Variants in SERINC5 observed in about 807,000 individuals in gnomAD.
The protein encoded by SERINC5 is chromosome 5 open reading frame 12.
Under a neutral mutation model 63.1 loss-of-function variants are expected in SERINC5, and 41 were observed. That is an observed-to-expected ratio of 0.65 (90% CI 0.51 to 0.84). The LOEUF (loss-of-function observed/expected upper bound fraction) is 0.84, where lower values mean the gene tolerates loss of function less well. Ranked by LOEUF, SERINC5 falls within the 40% of genes least tolerant of loss-of-function variation. The probability of loss-of-function intolerance (pLI) is 0.00; values close to 1 mark genes in which losing one functional copy is unlikely to be tolerated. For synonymous variants in SERINC5, 222 were observed against 215.2 expected (o/e 1.03, Z -0.28); for missense variants, 523 against 573.0 (o/e 0.91, Z 0.89).
At chr5:80,171,939 G>T (rs530414339) in intron 5 of SERINC5, among the ~76,000 whole-genome samples, 1 of 151,956 alleles carries the variant, frequency 6.6e-6, no homozygotes, top group East Asian at 1.9e-4. Flanking sequence ...AATCCATGAG[G>T]TAATGAATAG....
At chr5:80,156,024 T>C (rs1746498589) in intron 8 of SERINC5, among the ~76,000 whole-genome samples, 1 of 151,818 alleles carries the variant, frequency 6.6e-6, no homozygotes, top group Admixed American at 6.6e-5. Flanking sequence ...AAACAAGTAT[T>C]TGGGGGTGGG....
intron 11 of SERINC5, among the ~76,000 whole-genome samples, chr5:80,130,488 T>C (rs1001130300): frequency 2.0e-5 from 3 of 152,192 alleles, no homozygotes; most frequent in African/African-American, 7.2e-5. Context: ...GCCTGGGCAA[T>C]ACAACAGGGC....
rs796186802 is a variant in SERINC5, at chr5:80,163,546, GTT to G, written c.859+2835_859+2836del. Among the ~76,000 whole-genome samples the G allele has an allele frequency of 5.5e-3, 789 of 143,612 alleles. 7 individuals are homozygous for G. Among genetic ancestry groups the G allele is most frequent in the African/African-American group, 0.018 (732 of 39,600 alleles). The allele number at this position is 143,612 out of a possible 152,430, so 94.2% of individuals were successfully genotyped here. A position where few individuals can be genotyped will look rare whatever the true frequency, so the allele number is the denominator to read the frequency against. On this transcript the variant is annotated intron_variant, in intron 7 of 11. Coordinates refer to ENST00000507668, the MANE Select transcript of SERINC5 (RefSeq NM_001174072.3). ...AAGTTATGTTCCTACTTTATTGAGG[GTT>G]TTTTTTTTTACCATGAAAAGATGCT...
chr5:80,146,078 T>C lies in SERINC5; in HGVS notation c.1238+12A>G, dbSNP rs1341327942. ...TTTGCTTCAAAAATACCTAAGCAAATGGGCCACTCACTTGAACCAGTTGGT... is the reference window on the plus strand; with the variant it reads ...TTTGCTTCAAAAATACCTAAGCAAACGGGCCACTCACTTGAACCAGTTGGT... On this transcript the variant is annotated intron_variant, in intron 11 of 11. Transcript: ENST00000507668. The C allele has an allele frequency of 1.1e-5, 18 of 1,613,622 alleles. No homozygotes were observed. Among genetic ancestry groups the C allele is most frequent in the Non-Finnish European group, 1.5e-5 (18 of 1,179,708 alleles).
intron 1 of SERINC5, among the ~76,000 whole-genome samples, chr5:80,228,221 T>TGAGTGAGG (rs1244156892): frequency 1.0e-4 from 10 of 98,572 alleles, no homozygotes; most frequent in African/African-American, 3.9e-4. Context: ...GGCAGCAGAG[T>TGAGTGAGG]GAGTGAGGGA....
At chr5:80,165,693 G>C (rs894061180) in intron 7 of SERINC5, among the ~76,000 whole-genome samples, 2 of 152,088 alleles carry the variant, frequency 1.3e-5, no homozygotes, top group East Asian at 3.9e-4. Flanking sequence ...CTCAGATCCT[G>C]CTCCCTGCTC....
intron 1 of SERINC5, among the ~76,000 whole-genome samples, chr5:80,244,573 G>A (rs957681624): frequency 3.3e-5 from 5 of 151,428 alleles, no homozygotes; most frequent in African/African-American, 7.3e-5. Flanking sequence ...GCTCACGTCT[G>A]TAATCCCAGC....
intron 11 of SERINC5, among the ~76,000 whole-genome samples, chr5:80,126,488 T>A (rs1489389422): frequency 2.0e-5 from 3 of 152,212 alleles, no homozygotes; most frequent in African/African-American, 7.2e-5. Flanking sequence ...CAACATTCAC[T>A]TACTGATTTA....
intron 1 of SERINC5, among the ~76,000 whole-genome samples, chr5:80,224,393 C>T (rs1751072261): frequency 6.6e-6 from 1 of 151,776 alleles, no homozygotes; most frequent in African/African-American, 2.4e-5. Context: ...GAGAGGATCC[C>T]TTGAGCCCAG....
rs142592599 is a variant in SERINC5, at chr5:80,168,492, C to T, written c.763+843G>A. Among the ~76,000 whole-genome samples, 335 of 152,224 alleles carry T rather than the reference C, an allele frequency of 2.2e-3. 1 individual carries two copies. The highest frequency in any genetic ancestry group is 7.0e-3 in the African/African-American group (289 of 41,544). On this transcript the variant is annotated intron_variant, in intron 6 of 11. Transcript: ENST00000507668. The stretch of plus-strand genomic sequence containing the variant: ...CTGGGATTACAGGCATGAACAACTG[C>T]GCCCGACCACTAGTTGCCTTTTTAA...
chr5:80,137,620 G>A (rs1181138851), downstream of SERINC5, among the ~76,000 whole-genome samples: 1 of 129,594 alleles, frequency 7.7e-6, no homozygotes, highest in Non-Finnish European at 1.6e-5. Context: ...TCCAGCTTGG[G>A]CGACCAAGCA....
At chr5:80,176,056 A>G (rs62364010) in intron 4 of SERINC5, among the ~76,000 whole-genome samples, 58,893 of 150,698 alleles carry the variant, frequency 0.39, 13,434 homozygotes, top group African/African-American at 0.63. Flanking sequence ...GTGCGTGCCT[A>G]TAGTCCCAGC....
chr5:80,112,957 G>A (rs114946656), intron 12 of SERINC5, among the ~76,000 whole-genome samples: 5,893 of 152,092 alleles, frequency 0.039, 383 homozygotes, highest in African/African-American at 0.13. Flanking sequence ...AAGTGAGACC[G>A]TGTCTCAAAA....
intron 7 of SERINC5, among the ~76,000 whole-genome samples, chr5:80,160,983 T>TATATATATACGTGTATATATAC (rs1746857477): frequency 6.8e-6 from 1 of 147,394 alleles, no homozygotes; most frequent in East Asian, 2.0e-4. Flanking sequence ...TGTATATATG[T>TATATATATACGTGTATATATAC]GTGTATATGT....
intron 1 of SERINC5, among the ~76,000 whole-genome samples, chr5:80,255,680 G>A (rs965474979): frequency 2.0e-5 from 3 of 152,138 alleles, no homozygotes; most frequent in Admixed American, 1.3e-4. Context: ...GGAAGACCCC[G>A]GGGTAGCCTC....
At chr5:80,224,880 T>C (rs1224163144) in intron 1 of SERINC5, among the ~76,000 whole-genome samples, 1 of 151,218 alleles carries the variant, frequency 6.6e-6, no homozygotes. Flanking sequence ...TGCCTTGGCC[T>C]CCCAAAGTGC....
chr5:80,216,517 A>G (rs555378815), intron 1 of SERINC5, among the ~76,000 whole-genome samples: 2 of 152,344 alleles, frequency 1.3e-5, no homozygotes, highest in South Asian at 4.1e-4. Flanking sequence ...CCACTGAGGA[A>G]AAAACAAGAG....
intron 5 of SERINC5, among the ~76,000 whole-genome samples, chr5:80,174,541 G>A (rs1336970105): frequency 6.6e-6 from 1 of 151,890 alleles, no homozygotes; most frequent in Non-Finnish European, 1.5e-5. Context: ...GGAAGAAAAG[G>A]TACTTTAGTT....
chr5:80,245,612 T>A, intron 1 of SERINC5, among the ~76,000 whole-genome samples: 1 of 151,692 alleles, frequency 6.6e-6, no homozygotes, highest in East Asian at 1.9e-4. Flanking sequence ...AATATTTATT[T>A]TTTTTTATTT....
Sources: gnomAD v4.1 joint callset for allele counts (sites outside exome capture counted in the v4.1 genomes callset) on GRCh38, gnomAD v4.1.1 for gene constraint, MANE v1.5 for transcripts, NCBI Gene and HGNC (gene_info 2026-07-23, HGNC 2026-07-21) for gene names.